BTAF1: variants seen among roughly 807,000 people sequenced by gnomAD.
The protein encoded by BTAF1 is TATA-binding protein-associated factor 172.
Under a neutral mutation model 227.1 loss-of-function variants are expected in BTAF1, and 38 were observed. The ratio of observed to expected loss-of-function variants is 0.17; its 90% CI spans 0.13 to 0.22. The LOEUF (loss-of-function observed/expected upper bound fraction) is 0.22, where lower values mean the gene tolerates loss of function less well. Among genes scored for constraint, BTAF1 ranks in the 10% least tolerant of loss-of-function variants. The pLI, the probability that BTAF1 is intolerant of heterozygous loss-of-function variation, is 1.00. For missense variants in BTAF1, 1,598 were observed against 2,204.0 expected, an observed-to-expected ratio of 0.73 and a Z score of 5.51; for synonymous variants, 742 against 751.9, an observed-to-expected ratio of 0.99 and a Z score of 0.21.
intron 3 of BTAF1, among the ~76,000 whole-genome samples, chr10:91,940,369 A>C (rs1305062849): frequency 6.6e-6 from 1 of 152,138 alleles, no homozygotes; most frequent in Non-Finnish European, 1.5e-5. Context: ...AAATCAGTAC[A>C]GTGTAAATAT....
intron 30 of BTAF1, among the ~76,000 whole-genome samples, chr10:92,013,011 G>C (rs928733760): frequency 6.6e-6 from 1 of 152,132 alleles, no homozygotes; most frequent in African/African-American, 2.4e-5. Flanking sequence ...GTGGCCCAGA[G>C]TCAGGGGGCA....
intron 4 of BTAF1, among the ~76,000 whole-genome samples, chr10:91,944,746 A>G (rs919449246): frequency 2.6e-5 from 4 of 152,194 alleles, no homozygotes; most frequent in Admixed American, 2.6e-4. Context: ...CTTCCCAGCA[A>G]CCATGAGTCT....
intron 6 of BTAF1, among the ~76,000 whole-genome samples, chr10:91,954,731 A>C (rs2133871386): frequency 1.3e-5 from 2 of 151,938 alleles, no homozygotes; most frequent in South Asian, 4.2e-4. Context: ...CTAATTTTTA[A>C]ATTTTTTGTA....
At chr10:91,956,479 T>A in intron 6 of BTAF1, 49 bp from the exon 7 acceptor site, 3 of 1,533,146 alleles carry the variant, frequency 2.0e-6, no homozygotes, top group Non-Finnish European at 2.6e-6. Flanking sequence ...TTCATTGTGG[T>A]TCACATTACG....
Position 92,009,214 on chromosome 10 carries a change from A to G in BTAF1, c.4103+6A>G. On this transcript the variant is annotated splice_donor_region_variant and intron_variant, in intron 28 of 37. Coordinates refer to ENST00000265990, the MANE Select transcript of BTAF1 (RefSeq NM_003972.3). ...CCTCCCACTGAAAGAATAAGGTAAG[A>G]GTTGTATGACAATAACAAAATATTT... The G allele has an allele frequency of 6.2e-7, 1 of 1,611,684 alleles. No individual in the cohort carries two copies. The highest frequency in any genetic ancestry group is 8.5e-7 in the Non-Finnish European group (1 of 1,178,574).
intron 20 of BTAF1, 38 bp downstream of exon 20, chr10:91,989,618 C>T: frequency 1.3e-6 from 2 of 1,515,584 alleles, no homozygotes; most frequent in Non-Finnish European, 1.8e-6. Flanking sequence ...AGAGAAATAA[C>T]CTTTTAAATT....
intron 6 of BTAF1, among the ~76,000 whole-genome samples, chr10:91,954,464 A>C (rs150070653): frequency 6.6e-6 from 1 of 152,062 alleles, no homozygotes; most frequent in Non-Finnish European, 1.5e-5. Context: ...GTGATCATCT[A>C]TGCATGGCTT....
At chr10:91,957,112 T>G (rs2094738360) in intron 7 of BTAF1, 113 bp from the exon 8 acceptor site, 3 of 702,238 alleles carry the variant, frequency 4.3e-6, no homozygotes, top group Middle Eastern at 4.3e-4. Context: ...AATTAAATTT[T>G]TAAAAGCCTG....
chr10:92,011,213 C>A, intron 29 of BTAF1, 63 bp downstream of exon 29: 2 of 1,514,992 alleles, frequency 1.3e-6, no homozygotes, highest in Non-Finnish European at 1.8e-6. Flanking sequence ...AATATTTTCC[C>A]ACTTTAAAGA....
chr10:91,975,608 A>C (rs1847624361), intron 14 of BTAF1, among the ~76,000 whole-genome samples: 2 of 152,246 alleles, frequency 1.3e-5, no homozygotes, highest in Admixed American at 6.5e-5. Context: ...TTCATCACCA[A>C]CTTACAGGTT....
chr10:91,988,499 T>A (rs2134009973), intron 19 of BTAF1, among the ~76,000 whole-genome samples: 1 of 152,364 alleles, frequency 6.6e-6, no homozygotes, highest in Non-Finnish European at 1.5e-5. Flanking sequence ...GACTGAACAG[T>A]CTTTCAATGG....
chr10:92,009,772 G>A (rs897471386), intron 28 of BTAF1, among the ~76,000 whole-genome samples: 1 of 152,146 alleles, frequency 6.6e-6, no homozygotes. Context: ...TGCAGTCATG[G>A]CTGCACTAAA....
At chr10:92,002,593 T>G (rs544805394) in intron 25 of BTAF1, among the ~76,000 whole-genome samples, 1 of 152,304 alleles carries the variant, frequency 6.6e-6, no homozygotes, top group South Asian at 2.1e-4. Context: ...AGACTTTATT[T>G]TAATGATTAT....
intron 37 of BTAF1, among the ~76,000 whole-genome samples, chr10:92,028,153 A>G (rs1851653058): frequency 6.6e-6 from 1 of 152,228 alleles, no homozygotes; most frequent in South Asian, 2.1e-4. Context: ...TAGAAAAAAG[A>G]AGGCTCAAAG....
chr10:91,994,992 A>G (rs1039567120), intron 23 of BTAF1, among the ~76,000 whole-genome samples: 1 of 152,236 alleles, frequency 6.6e-6, no homozygotes, highest in Non-Finnish European at 1.5e-5. Flanking sequence ...AAAAGCATAT[A>G]TAATGAAATC....
At chr10:92,016,077 T>C (rs770237111) in intron 32 of BTAF1, among the ~76,000 whole-genome samples, 6 of 152,230 alleles carry the variant, frequency 3.9e-5, no homozygotes, top group Non-Finnish European at 7.3e-5. Context: ...AATTGAGTCT[T>C]GGACTATTTG....
chr10:91,999,297 A>G (rs556077369), intron 25 of BTAF1, among the ~76,000 whole-genome samples: 38 of 152,144 alleles, frequency 2.5e-4, no homozygotes, highest in Admixed American at 5.2e-4. Context: ...CCTCTTTGAA[A>G]AACAGTTTGG....
At chr10:92,019,498 C>T (rs1262306658) in intron 34 of BTAF1, among the ~76,000 whole-genome samples, 2 of 152,086 alleles carry the variant, frequency 1.3e-5, no homozygotes, top group African/African-American at 4.8e-5. Flanking sequence ...CTGAGTTACT[C>T]TTTTTAGTTC....
At chr10:91,936,801 CTG>C (rs1373447045) in intron 2 of BTAF1, among the ~76,000 whole-genome samples, 6 of 152,152 alleles carry the variant, frequency 3.9e-5, no homozygotes, top group Non-Finnish European at 5.9e-5. Flanking sequence ...TGACCTGAAA[CTG>C]TGAAACAATG....
Sources: gnomAD v4.1 joint callset for allele counts (sites outside exome capture counted in the v4.1 genomes callset) on GRCh38, gnomAD v4.1.1 for gene constraint, MANE v1.5 for transcripts, NCBI Gene and HGNC (gene_info 2026-07-23, HGNC 2026-07-21) for gene names.